Variants in CEP112 observed in about 807,000 individuals in gnomAD.
The protein encoded by CEP112 is centrosomal protein of 112 kDa.
A neutral mutation model predicts 153.0 loss-of-function variants in CEP112; 127 were observed. That is an observed-to-expected ratio of 0.83 (90% CI 0.72 to 0.96). CEP112 has a LOEUF of 0.96. CEP112 is among the 40% of genes least tolerant of loss of function. The pLI is 0.00. For missense variants in CEP112, 1,089 were observed against 1,101.2 expected (o/e 0.99, Z 0.16); for synonymous variants, 358 against 374.4 (o/e 0.96, Z 0.51).
rs181059141 is a variant in CEP112 at position 65,834,606 on chromosome 17, T to C, written c.2394+17198A>G. Among the ~76,000 whole-genome samples, 478 of 152,188 alleles carry C rather than the reference T, an allele frequency of 3.1e-3. 3 individuals are homozygous for C. The highest frequency in any genetic ancestry group is 0.011 in the African/African-American group (454 of 41,538). ...AAGCATATGAAAAAAAGCTCAATAT[T>C]GCTGATCATTAGAGAAATATAAATT... On this transcript the variant is annotated intron_variant, in intron 21 of 26. Transcript: ENST00000535342.
chr17:65,987,675 T>G (rs909858449), intron 17 of CEP112, among the ~76,000 whole-genome samples: 1 of 150,256 alleles, frequency 6.7e-6, no homozygotes, highest in African/African-American at 2.5e-5. Flanking sequence ...ACCAGCAATA[T>G]CACAGAACTC....
chr17:65,967,120 T>C (rs1284238095), intron 17 of CEP112, among the ~76,000 whole-genome samples: 2 of 152,180 alleles, frequency 1.3e-5, no homozygotes, highest in Non-Finnish European at 2.9e-5. Flanking sequence ...TCTACAGAAC[T>C]CTATTCTGAC....
chr17:65,779,495 C>T (rs1303350517), intron 21 of CEP112, among the ~76,000 whole-genome samples: 1 of 152,156 alleles, frequency 6.6e-6, no homozygotes, highest in African/African-American at 2.4e-5. Context: ...TTGATGTCAT[C>T]ATCACAGGAA....
At chr17:65,950,699 C>CTATTATTATTATTATTATTAGTAGTAG (rs57598697) in intron 18 of CEP112, among the ~76,000 whole-genome samples, 11 of 147,184 alleles carry the variant, frequency 7.5e-5, no homozygotes, top group South Asian at 4.5e-4. Context: ...GGATACATTA[C>CTATTATTATTATTATTATTAGTAGTAG]TAGTAGTAGT....
chr17:65,720,587 G>A (rs1193846941), intron 23 of CEP112, among the ~76,000 whole-genome samples: 1 of 152,170 alleles, frequency 6.6e-6, no homozygotes, highest in Non-Finnish European at 1.5e-5. Flanking sequence ...TCTGTGGATT[G>A]ATGGCAACAG....
chr17:66,082,578 C>T (rs1296309705), intron 8 of CEP112, among the ~76,000 whole-genome samples: 1 of 152,102 alleles, frequency 6.6e-6, no homozygotes, highest in Non-Finnish European at 1.5e-5. Flanking sequence ...GCCTGGCCAA[C>T]ATGGCAAAAC....
intron 22 of CEP112, 26 bp from the exon 23 acceptor site, chr17:65,743,243 C>G: frequency 6.4e-7 from 1 of 1,566,844 alleles, no homozygotes. Flanking sequence ...CATGCTATAA[C>G]TTCAAATTCT....
intron 17 of CEP112, among the ~76,000 whole-genome samples, chr17:66,002,013 G>T (rs1307105810): frequency 6.6e-6 from 1 of 152,272 alleles, no homozygotes; most frequent in African/African-American, 2.4e-5. Context: ...AACAAAAATT[G>T]AAAAGAATAG....
chr17:66,057,796 CA>C (rs1297443437), intron 11 of CEP112, among the ~76,000 whole-genome samples: 1 of 138,736 alleles, frequency 7.2e-6, no homozygotes, highest in African/African-American at 2.9e-5. Context: ...CACACACACA[CA>C]GCCTTCAGTG....
At chr17:66,162,946 A>G (rs536525314) in intron 4 of CEP112, among the ~76,000 whole-genome samples, 17 of 152,306 alleles carry the variant, frequency 1.1e-4, no homozygotes, top group African/African-American at 3.8e-4. Flanking sequence ...CTATAGCTAT[A>G]TTTATTAACA....
rs371160514 is a variant in CEP112 at position 65,921,813 on chromosome 17, C to A, written c.1980+5769G>T. On this transcript the variant is annotated intron_variant, in intron 19 of 26. Transcript: ENST00000535342. ...GTATTATTTTTGATCAATACAAAGA[C>A]AAAACTTTGATAGATTTTAAAATCT... Among the ~76,000 whole-genome samples, 26 of 152,096 alleles carry A rather than the reference C, an allele frequency of 1.7e-4. No individual in the cohort carries two copies. In the East Asian group the frequency reaches 2.3e-3, roughly 14 times the overall value.
chr17:65,824,419 T>G (rs1024676338), intron 21 of CEP112, among the ~76,000 whole-genome samples: 3 of 152,218 alleles, frequency 2.0e-5, no homozygotes, highest in Non-Finnish European at 4.4e-5. Flanking sequence ...GAAGTGGAGC[T>G]GATGACAAAG....
intron 12 of CEP112, among the ~76,000 whole-genome samples, chr17:66,046,188 G>A (rs538321644): frequency 6.6e-5 from 10 of 151,934 alleles, no homozygotes; most frequent in East Asian, 5.8e-4. Context: ...GACTACAAGC[G>A]CATGCTGCCA....
At chr17:65,773,924 A>C (rs1405652703) in intron 21 of CEP112, among the ~76,000 whole-genome samples, 1 of 151,854 alleles carries the variant, frequency 6.6e-6, no homozygotes, top group Non-Finnish European at 1.5e-5. Flanking sequence ...GTCTCTACTA[A>C]AAAAATACAA....
chr17:66,074,436 GC>G (rs748816666), intron 8 of CEP112, among the ~76,000 whole-genome samples: 5 of 152,212 alleles, frequency 3.3e-5, no homozygotes, highest in Admixed American at 6.5e-5. Context: ...AGAAATAATG[GC>G]CAAAAATTTC....
chr17:66,045,960 C>A (rs1220066402), intron 12 of CEP112, among the ~76,000 whole-genome samples: 1 of 152,318 alleles, frequency 6.6e-6, no homozygotes, highest in African/African-American at 2.4e-5. Flanking sequence ...CTACATGACA[C>A]ATGATACCAC....
intron 20 of CEP112, among the ~76,000 whole-genome samples, chr17:65,895,471 T>G (rs1215509651): frequency 6.6e-6 from 1 of 152,060 alleles, no homozygotes; most frequent in African/African-American, 2.4e-5. Flanking sequence ...TATTATGACT[T>G]TGAAGCAACA....
At chr17:65,863,170 T>C (rs2058364470) in intron 20 of CEP112, among the ~76,000 whole-genome samples, 1 of 151,846 alleles carries the variant, frequency 6.6e-6, no homozygotes, top group South Asian at 2.1e-4. Flanking sequence ...TTCAAAAAAA[T>C]ACATTATTTT....
chr17:66,136,511 C>T (rs1157129804), intron 4 of CEP112, among the ~76,000 whole-genome samples: 11 of 152,048 alleles, frequency 7.2e-5, no homozygotes, highest in Admixed American at 5.9e-4. Context: ...TCATGGTCCA[C>T]AGCTTCTCCC....
Sources: gnomAD v4.1 joint callset for allele counts (sites outside exome capture counted in the v4.1 genomes callset) on GRCh38, gnomAD v4.1.1 for gene constraint, MANE v1.5 for transcripts, NCBI Gene and HGNC (gene_info 2026-07-23, HGNC 2026-07-21) for gene names.